Variants in FHL2 observed in about 807,000 individuals in gnomAD.
FHL2 encodes the protein four and a half LIM domains protein 2.
Under a neutral mutation model 32.7 loss-of-function variants are expected in FHL2, and 20 were observed. That is an observed-to-expected ratio of 0.61 (90% confidence interval 0.43 to 0.89). FHL2 has a LOEUF of 0.89. Among genes scored for constraint, FHL2 ranks in the 40% least tolerant of loss-of-function variants. FHL2 has a pLI of 0.00. For missense variants in FHL2, 311 were observed against 358.6 expected, an observed-to-expected ratio of 0.87 and a Z score of 1.07; for synonymous variants, 123 against 128.1, an observed-to-expected ratio of 0.96 and a Z score of 0.27.
intron 1 of FHL2, among the ~76,000 whole-genome samples, chr2:105,407,228 T>TA (rs1439268374): frequency 2.6e-5 from 4 of 151,756 alleles, no homozygotes; most frequent in Non-Finnish European, 4.4e-5. Flanking sequence ...CTGTCTCTAC[T>TA]AAAAATACAA....
Position 105,371,202 on chromosome 2 carries a change from A to G in FHL2, c.331+2357T>C, listed in dbSNP as rs1358262679. Among the ~76,000 whole-genome samples, 4 of 152,180 alleles carry G rather than the reference A, an allele frequency of 2.6e-5. No individual in the cohort carries two copies. In the East Asian group the frequency reaches 7.7e-4, roughly 29 times the overall value. On this transcript the variant is annotated intron_variant, in intron 4 of 6. Coordinates refer to ENST00000530340, the MANE Select transcript of FHL2 (RefSeq NM_001318895.3). ...GGCTCTGGTACCCAGTTGTTTGGTC[A>G]AAAAACAGGTTTACTTGTTGCCGTG... is the stretch of plus-strand genomic sequence containing the variant.
At chr2:105,428,863 G>C (rs530269762) in intron 1 of FHL2, among the ~76,000 whole-genome samples, 9 of 152,312 alleles carry the variant, frequency 5.9e-5, no homozygotes, top group Admixed American at 5.9e-4. Flanking sequence ...CTGTTGGATG[G>C]GAGGCATGTC....
intron 1 of FHL2, chr2:105,397,010 GTTTTTTTTT>G (rs35576785): frequency 9.2e-6 from 1 of 108,298 alleles, no homozygotes; most frequent in East Asian, 2.8e-4. Context: ...TATCTAGTCT[GTTTTTTTTT>G]TTTTTTTTTT....
intron 6 of FHL2, 24 bp from the exon 7 acceptor site, chr2:105,361,458 C>G: frequency 6.2e-7 from 1 of 1,601,260 alleles, no homozygotes; most frequent in Non-Finnish European, 8.5e-7. Context: ...GAAAATAATA[C>G]CGGATGAAGA....
At chr2:105,411,560 T>G (rs1683791390) in intron 1 of FHL2, among the ~76,000 whole-genome samples, 1 of 146,960 alleles carries the variant, frequency 6.8e-6, no homozygotes, top group Non-Finnish European at 1.5e-5. Flanking sequence ...TTTTTTTTTT[T>G]TTTTGACTTT....
At chr2:105,432,296 C>T (rs578043179) in intron 1 of FHL2, among the ~76,000 whole-genome samples, 8 of 152,154 alleles carry the variant, frequency 5.3e-5, no homozygotes, top group Non-Finnish European at 1.0e-4. Context: ...AGGAGTTTGT[C>T]TCATGCACTT....
chr2:105,423,921 C>T (rs1367975013), intron 1 of FHL2, among the ~76,000 whole-genome samples: 3 of 152,154 alleles, frequency 2.0e-5, no homozygotes, highest in African/African-American at 7.2e-5. Context: ...ACCATAAAAA[C>T]CCTAGAAGAA....
intron 1 of FHL2, among the ~76,000 whole-genome samples, chr2:105,407,006 G>C (rs533920966): frequency 1.1e-3 from 168 of 152,330 alleles, no homozygotes; most frequent in Non-Finnish European, 1.8e-3. Context: ...GAGACTGTGA[G>C]CTCCTTAGGG....
intron 1 of FHL2, among the ~76,000 whole-genome samples, chr2:105,424,603 A>T (rs1276247902): frequency 6.6e-6 from 1 of 152,242 alleles, no homozygotes; most frequent in African/African-American, 2.4e-5. Context: ...CACTGTTCAC[A>T]ATAGCAAAGA....
At chr2:105,380,513 G>C (rs147557101) in intron 3 of FHL2, among the ~76,000 whole-genome samples, 2 of 152,274 alleles carry the variant, frequency 1.3e-5, no homozygotes, top group African/African-American at 4.8e-5. Flanking sequence ...ACAGGCATGA[G>C]CCACCACGCC....
At chr2:105,411,214 C>G (rs1274220859) in intron 1 of FHL2, among the ~76,000 whole-genome samples, 1 of 152,172 alleles carries the variant, frequency 6.6e-6, no homozygotes, top group African/African-American at 2.4e-5. Flanking sequence ...CAGACTGACA[C>G]CCACTGCGTC....
At chr2:105,401,601 AATTGTTTGT>A (rs1242111032), upstream of FHL2, among the ~76,000 whole-genome samples, 166 of 152,338 alleles carry the variant, frequency 1.1e-3, 3 homozygotes, top group Admixed American at 0.011. Flanking sequence ...GTCATTGTAG[AATTGTTTGT>A]AATAGAAAAA....
chr2:105,400,985 A>G (rs1029373369), upstream of FHL2, among the ~76,000 whole-genome samples: 3 of 152,094 alleles, frequency 2.0e-5, no homozygotes, highest in African/African-American at 7.2e-5. Context: ...ATGCACAAAG[A>G]AAAACAAGAG....
intron 1 of FHL2, among the ~76,000 whole-genome samples, chr2:105,433,731 G>A (rs1684509659): frequency 6.6e-6 from 1 of 152,132 alleles, no homozygotes; most frequent in South Asian, 2.1e-4. Context: ...CACACACCAT[G>A]AGCACTCGAA....
At chr2:105,406,201 ATATC>A (rs1683625928) in intron 1 of FHL2, among the ~76,000 whole-genome samples, 1 of 152,230 alleles carries the variant, frequency 6.6e-6, no homozygotes, top group South Asian at 2.1e-4. Flanking sequence ...ATTTTCTAAA[ATATC>A]TGACCTTCAG....
chr2:105,399,721 A>T, upstream of FHL2: 1 of 1,191,990 alleles, frequency 8.4e-7, no homozygotes, highest in Non-Finnish European at 1.1e-6. Flanking sequence ...CGTGACGCTG[A>T]CGCTGGGTAG....
chr2:105,431,495 C>T (rs2104683372), intron 1 of FHL2, among the ~76,000 whole-genome samples: 1 of 152,276 alleles, frequency 6.6e-6, no homozygotes, highest in Middle Eastern at 3.4e-3. Flanking sequence ...AAGAGTCTGA[C>T]AGAGATGCCA....
At chr2:105,385,285 G>A (rs957549090) in intron 3 of FHL2, among the ~76,000 whole-genome samples, 8 of 152,192 alleles carry the variant, frequency 5.3e-5, no homozygotes, top group Non-Finnish European at 1.0e-4. Flanking sequence ...AAGTGATGGT[G>A]CAGCCTTCTG....
At chr2:105,358,818 A>G (rs576316893), downstream of FHL2, 1 of 152,202 alleles carries the variant, frequency 6.6e-6, no homozygotes, top group African/African-American at 2.4e-5. Flanking sequence ...TGGCCTAAGT[A>G]TACACGGTTC....
Sources: gnomAD v4.1 joint callset for allele counts (sites outside exome capture counted in the v4.1 genomes callset) on GRCh38, gnomAD v4.1.1 for gene constraint, MANE v1.5 for transcripts, NCBI Gene and HGNC (gene_info 2026-07-23, HGNC 2026-07-21) for gene names.